The following NFIB variants were observed in gnomAD, a reference collection of about 807,000 sequenced individuals.
NFIB encodes the protein nuclear factor 1 B-type.
A neutral mutation model predicts 61.5 loss-of-function variants in NFIB; 11 were observed. The ratio of observed to expected loss-of-function variants is 0.18; its 90% CI spans 0.11 to 0.30. NFIB has a LOEUF of 0.30. Among genes scored for constraint, NFIB ranks in the 10% least tolerant of loss-of-function variants. The pLI, the probability that NFIB is intolerant of heterozygous loss-of-function variation, is 1.00. For synonymous variants in NFIB, 260 were observed against 216.5 expected, an observed-to-expected ratio of 1.20 and a Z score of -1.76; for missense variants, 471 against 608.9, an observed-to-expected ratio of 0.77 and a Z score of 2.38.
chr9:14,207,631 A>C (rs1215298502), intron 2 of NFIB, among the ~76,000 whole-genome samples: 1 of 152,176 alleles, frequency 6.6e-6, no homozygotes, highest in Non-Finnish European at 1.5e-5. Context: ...CCTTCCCCAC[A>C]AACCTCTTCA....
intron 2 of NFIB, among the ~76,000 whole-genome samples, chr9:14,199,342 T>C (rs1563892496): frequency 6.6e-6 from 1 of 152,212 alleles, no homozygotes; most frequent in East Asian, 1.9e-4. Flanking sequence ...AACCACCTCA[T>C]CCCTGCCAAA....
chr9:14,449,865 T>C, the NFIB span, among the ~76,000 whole-genome samples: 5 of 151,824 alleles, frequency 3.3e-5, no homozygotes, highest in South Asian at 8.4e-4. Context: ...ACCCAGGAGG[T>C]GGAGGTTGCA....
chr9:14,186,319 G>A (rs1283495673), intron 2 of NFIB, among the ~76,000 whole-genome samples: 1 of 152,104 alleles, frequency 6.6e-6, no homozygotes, highest in African/African-American at 2.4e-5. Context: ...TTTTGTCATA[G>A]TTCTTTGCCT....
chr9:14,500,820 AAT>A, the NFIB span, among the ~76,000 whole-genome samples: 1 of 152,114 alleles, frequency 6.6e-6, no homozygotes, highest in Non-Finnish European at 1.5e-5. Flanking sequence ...TCCCACAGCG[AAT>A]CTACATGGTG....
intron 10 of NFIB, among the ~76,000 whole-genome samples, chr9:14,089,815 G>T (rs375132384): frequency 2.0e-5 from 3 of 152,096 alleles, no homozygotes; most frequent in African/African-American, 7.2e-5. Flanking sequence ...GAACAATTCT[G>T]AATTTTTTTT....
intron 1 of NFIB, chr9:14,362,944 G>C (rs2061257201): frequency 6.6e-6 from 1 of 152,076 alleles, no homozygotes; most frequent in South Asian, 2.1e-4. Context: ...AGAGTAGCAA[G>C]AATTCACTGA....
At chr9:14,146,895 G>A in intron 5 of NFIB, 88 bp from the exon 6 acceptor site, 1 of 1,540,426 alleles carries the variant, frequency 6.5e-7, no homozygotes, top group African/African-American at 1.4e-5. Context: ...GATCCTTACT[G>A]TGAAAATTTT....
the NFIB span, among the ~76,000 whole-genome samples, chr9:14,510,879 T>C: frequency 6.6e-6 from 1 of 152,206 alleles, no homozygotes; most frequent in Non-Finnish European, 1.5e-5. Flanking sequence ...AAAAGAATCA[T>C]AACCTTTTCT....
intron 1 of NFIB, among the ~76,000 whole-genome samples, chr9:14,353,972 G>A (rs932146970): frequency 1.3e-5 from 2 of 151,782 alleles, no homozygotes; most frequent in African/African-American, 4.8e-5. Flanking sequence ...TTTAGGTGGA[G>A]AGCTGATCTG....
the NFIB span, among the ~76,000 whole-genome samples, chr9:14,516,461 T>C: frequency 6.6e-6 from 1 of 152,190 alleles, no homozygotes; most frequent in Admixed American, 6.5e-5. Context: ...ATTGTGTTTC[T>C]CTGTTATCTC....
At chr9:14,448,394 A>AT in the NFIB span, among the ~76,000 whole-genome samples, 1 of 152,180 alleles carries the variant, frequency 6.6e-6, no homozygotes, top group Non-Finnish European at 1.5e-5. Flanking sequence ...TCCAAAAAAA[A>AT]TTTTTATTTA....
chr9:14,248,878 C>T (rs7027532), intron 2 of NFIB, among the ~76,000 whole-genome samples: 54,266 of 151,904 alleles, frequency 0.36, 10,167 homozygotes, highest in East Asian at 0.64. Flanking sequence ...CCTCTTTGCC[C>T]GAGAAGTAAG....
At chr9:14,203,746 C>A (rs2049316024) in intron 2 of NFIB, among the ~76,000 whole-genome samples, 1 of 152,186 alleles carries the variant, frequency 6.6e-6, no homozygotes, top group South Asian at 2.1e-4. Flanking sequence ...CTTGGTACCA[C>A]AACTTTTGTG....
chr9:14,159,772 G>A (rs184711417), intron 3 of NFIB, among the ~76,000 whole-genome samples: 6 of 152,320 alleles, frequency 3.9e-5, no homozygotes, highest in Admixed American at 3.9e-4. Flanking sequence ...AATGGGCAGG[G>A]GTCCTGCAGT....
intron 2 of NFIB, among the ~76,000 whole-genome samples, chr9:14,272,690 CGCA>C (rs1232299585): frequency 4.5e-5 from 2 of 44,040 alleles, no homozygotes; most frequent in African/African-American, 9.5e-5. Flanking sequence ...AATCAATTCT[CGCA>C]AAAAAAAAAA....
At chr9:14,346,208 G>A (rs1300484071) in intron 1 of NFIB, among the ~76,000 whole-genome samples, 1 of 151,868 alleles carries the variant, frequency 6.6e-6, no homozygotes, top group Admixed American at 6.6e-5. Context: ...GTCTCCTGAT[G>A]TTCATGCGGA....
intron 1 of NFIB, among the ~76,000 whole-genome samples, chr9:14,377,813 A>G (rs1314004286): frequency 1.3e-5 from 2 of 152,298 alleles, no homozygotes; most frequent in Admixed American, 6.5e-5. Flanking sequence ...TTTCTTTGGG[A>G]AGAAGCGGAG....
chr9:14,517,654 G>C, the NFIB span, among the ~76,000 whole-genome samples: 1 of 151,124 alleles, frequency 6.6e-6, no homozygotes, highest in African/African-American at 2.4e-5. Flanking sequence ...TGTGTAGATA[G>C]GGTGATTTAA....
chr9:14,376,061 T>TA (rs967862577), intron 1 of NFIB, among the ~76,000 whole-genome samples: 3 of 152,142 alleles, frequency 2.0e-5, no homozygotes, highest in Admixed American at 6.5e-5. Context: ...TGGAACTTTT[T>TA]AAAAAAAGAG....
Sources: gnomAD v4.1 joint callset for allele counts (sites outside exome capture counted in the v4.1 genomes callset) on GRCh38, gnomAD v4.1.1 for gene constraint, MANE v1.5 for transcripts, NCBI Gene and HGNC (gene_info 2026-07-23, HGNC 2026-07-21) for gene names.